ZNF251: variants seen among roughly 807,000 people sequenced by gnomAD.
ZNF251 encodes zinc finger protein 251.
A neutral mutation model predicts 13.5 loss-of-function variants in ZNF251; 14 were observed. The ratio of observed to expected loss-of-function variants is 1.04; its 90% CI spans 0.69 to 1.63. The LOEUF is 1.63. ZNF251 is among the 40% of genes most tolerant of loss of function. The pLI is 0.00. For synonymous variants in ZNF251, 287 were observed against 295.2 expected (o/e 0.97, Z 0.28); for missense variants, 764 against 834.9 (o/e 0.92, Z 1.05).
chr8:144,730,987 G>T (rs144551115), intron 4 of ZNF251, among the ~76,000 whole-genome samples: 9 of 152,264 alleles, frequency 5.9e-5, no homozygotes, highest in African/African-American at 1.2e-4. Context: ...GCACTGTGTC[G>T]CGCAGACACA....
At chr8:144,729,574 C>G (rs959076520) in intron 4 of ZNF251, among the ~76,000 whole-genome samples, 8 of 152,144 alleles carry the variant, frequency 5.3e-5, no homozygotes, top group South Asian at 4.2e-4. Flanking sequence ...CTGACCTCGC[C>G]ATCCACCCGC....
At chr8:144,748,573 T>A (rs1353320094) in intron 4 of ZNF251, among the ~76,000 whole-genome samples, 1 of 152,054 alleles carries the variant, frequency 6.6e-6, no homozygotes, top group Non-Finnish European at 1.5e-5. Flanking sequence ...GGTTTCTTTT[T>A]TCTTTGCAAT....
rs551719363 is a variant in ZNF251 at position 144,755,429 on chromosome 8, A to ACCGAGGAAGCG, written c.-111_-101dup. 908 of 1,288,154 alleles carry ACCGAGGAAGCG rather than the reference A, an allele frequency of 7.0e-4. 12 individuals are homozygous for ACCGAGGAAGCG. In the South Asian group the frequency reaches 0.011, roughly 15 times the overall value. The allele number at this position is 1,288,154 out of a possible 1,614,324, so 79.8% of individuals were successfully genotyped here. ...CCTGTTTGCTCGACCCGGGGAAGCCACCGAGGAAGCGCCGAGGAGCTGCGC... is the reference window on the plus strand; with the variant it reads ...CCTGTTTGCTCGACCCGGGGAAGCCACCGAGGAAGCGCCGAGGAAGCGCCGAGGAGCTGCGC... On this transcript the variant is annotated 5_prime_UTR_variant, in exon 1 of 5. Coordinates refer to ENST00000292562, the MANE Select transcript of ZNF251 (RefSeq NM_138367.2).
At chr8:144,742,832 ACTC>A (rs1824230436) in intron 4 of ZNF251, among the ~76,000 whole-genome samples, 1 of 152,124 alleles carries the variant, frequency 6.6e-6, no homozygotes, top group Non-Finnish European at 1.5e-5. Flanking sequence ...ATCCATGCAT[ACTC>A]AAGTTCCACA....
intron 4 of ZNF251, among the ~76,000 whole-genome samples, chr8:144,746,112 G>A (rs1266853480): frequency 6.6e-6 from 1 of 152,162 alleles, no homozygotes; most frequent in Non-Finnish European, 1.5e-5. Flanking sequence ...CAGTATAAAG[G>A]AAAATGTAGA....
intron 4 of ZNF251, among the ~76,000 whole-genome samples, chr8:144,729,734 G>C (rs115184424): frequency 0.014 from 2,130 of 152,156 alleles, 57 homozygotes; most frequent in East Asian, 0.12. Context: ...GGTGGCTCGC[G>C]CCTGTGATCC....
intron 4 of ZNF251, among the ~76,000 whole-genome samples, chr8:144,746,983 A>C (rs1824458730): frequency 6.6e-6 from 1 of 151,454 alleles, no homozygotes; most frequent in Admixed American, 6.6e-5. Flanking sequence ...TTGAATTTTT[A>C]TTTCTTTTCT....
intron 4 of ZNF251, among the ~76,000 whole-genome samples, chr8:144,746,350 T>C (rs576903840): frequency 1.3e-5 from 2 of 152,378 alleles, no homozygotes; most frequent in South Asian, 4.1e-4. Context: ...CACTTGGTCA[T>C]GGTATATAAT....
rs201727956 is a variant in ZNF251, at chr8:144,746,341, ACTTGGT to A, written c.277+7336_277+7341del. Among the ~76,000 whole-genome samples, 235 of 152,270 alleles carry A rather than the reference ACTTGGT, an allele frequency of 1.5e-3. 7 individuals carry two copies. In the East Asian group the frequency reaches 0.035, roughly 23 times the overall value. ...GCCTTGTAAACCTGGGACAAATCCC[ACTTGGT>A]CATGGTATATAATTCTTTTTATACA... On this transcript the variant is annotated intron_variant, in intron 4 of 4. Transcript: ENST00000292562.
At chr8:144,749,978 G>A in intron 4 of ZNF251, among the ~76,000 whole-genome samples, 1 of 150,274 alleles carries the variant, frequency 6.7e-6, no homozygotes, top group Admixed American at 6.7e-5. Context: ...ACTATGAGGA[G>A]TTGCAAATAC....
At chr8:144,744,371 T>A (rs1387061244) in intron 4 of ZNF251, among the ~76,000 whole-genome samples, 1 of 152,232 alleles carries the variant, frequency 6.6e-6, no homozygotes, top group Non-Finnish European at 1.5e-5. Flanking sequence ...GTGTTGTACC[T>A]AAAAACTCAT....
chr8:144,755,181 GC>G, intron 1 of ZNF251: 1 of 1,172,332 alleles, frequency 8.5e-7, no homozygotes, highest in Non-Finnish European at 1.1e-6. Context: ...GCTGCCGAAG[GC>G]CCCAGGCTCC....
rs200114017 is a variant in ZNF251, at chr8:144,722,726, G to A, written c.934C>T (p.Arg312Trp). ...FSRSSTLIQH[R>W]IIHTGEKPYK... The stretch of plus-strand genomic sequence containing the variant: ...GGTTTCTCTCCTGTGTGAATGATCC[G>A]ATGTTGAATAAGAGTTGAGCTTCGA... Residue 312 changes from arginine (R) to tryptophan (W), a missense_variant, in exon 5 of 5, where the codon CGG (arginine) becomes TGG (tryptophan). Arg to Trp is a moderately radical substitution (Grantham distance 101). Coordinates refer to ENST00000292562, the MANE Select transcript of ZNF251 (RefSeq NM_138367.2). This position sits in a 1 kb window ranked among gnomAD's most constrained non-coding sequence, Gnocchi z 4.8. 56 of 1,613,920 alleles carry A rather than the reference G, an allele frequency of 3.5e-5. No homozygotes were observed. The highest frequency in any genetic ancestry group is 1.6e-4 in the African/African-American group (12 of 74,890).
chr8:144,743,101 T>C (rs1225082771), intron 4 of ZNF251, among the ~76,000 whole-genome samples: 1 of 152,216 alleles, frequency 6.6e-6, no homozygotes, highest in Non-Finnish European at 1.5e-5. Context: ...TTTCACTGTT[T>C]CGCCCAGGCT....
At chr8:144,755,276 C>T in intron 1 of ZNF251, 129 bp downstream of exon 1, 1 of 1,209,518 alleles carries the variant, frequency 8.3e-7, no homozygotes, top group South Asian at 1.5e-5. Flanking sequence ...CCTCTGCAGC[C>T]CGTCGGTGGC....
Position 144,722,162 on chromosome 8 carries a change from G to T in ZNF251, c.1498C>A (p.Arg500=), listed in dbSNP as rs1343458367. The change falls in exon 5 of 5, where the codon CGG becomes AGG. Residue 500 remains arginine (R), a synonymous_variant. Coordinates refer to ENST00000292562, the MANE Select transcript of ZNF251 (RefSeq NM_138367.2). The surrounding 1 kb of genome is among the most constrained non-coding windows in gnomAD (Gnocchi z 4.8). ...DCGDCGKAFS[R]RSTLIQHQKV... ...TGATGCTGAATGAGGGTTGACCTCC[G>T]GCTGAAGGCCTTCCCACAGTCACCA... The T allele has an allele frequency of 6.2e-7, 1 of 1,614,182 alleles. No homozygotes were observed. Among genetic ancestry groups the T allele is most frequent in the Non-Finnish European group, 8.5e-7 (1 of 1,180,032 alleles).
At chr8:144,752,238 A>G (rs542351780) in intron 4 of ZNF251, among the ~76,000 whole-genome samples, 1 of 152,268 alleles carries the variant, frequency 6.6e-6, no homozygotes, top group South Asian at 2.1e-4. Context: ...CAAATGGCAG[A>G]ATACACATTC....
chr8:144,754,974 C>T, intron 1 of ZNF251, 171 bp from the exon 2 acceptor site: 3 of 1,398,514 alleles, frequency 2.1e-6, no homozygotes, highest in Non-Finnish European at 2.8e-6. Flanking sequence ...CCCAGAACGG[C>T]CAGAGCCAGA....
At position 144,722,767 on chromosome 8, in the gene ZNF251, C is replaced by A; in HGVS notation, c.893G>T (p.Cys298Phe). ...TGEKPFGCGE[C>F]GKAFSRSSTL... ...TGAGCTTCGACTGAAAGCCTTCCCA[C>A]ACTCACCACAGCCAAAGGGTTTTTC... Residue 298 changes from cysteine to phenylalanine, a missense_variant, in exon 5 of 5, where the codon TGT (cysteine) becomes TTT (phenylalanine). By Grantham distance (205) the Cys-to-Phe change is radical (BLOSUM62 -2). Coordinates refer to ENST00000292562, the MANE Select transcript of ZNF251 (RefSeq NM_138367.2). The surrounding 1 kb of genome is among the most constrained non-coding windows in gnomAD (Gnocchi z 4.8). 2 of 1,614,110 alleles carry A rather than the reference C, an allele frequency of 1.2e-6. No individual in the cohort carries two copies. The highest frequency in any genetic ancestry group is 1.7e-6 in the Non-Finnish European group (2 of 1,179,940).
Sources: allele counts gnomAD v4.1 joint callset (sites outside exome capture counted in the v4.1 genomes callset), GRCh38; gene constraint gnomAD v4.1.1; non-coding constraint Gnocchi (gnomAD v3.1); transcripts MANE v1.5; gene names NCBI Gene and HGNC (gene_info 2026-07-23, HGNC 2026-07-21).